Variants in ACSM2B observed in about 807,000 individuals in gnomAD.
ACSM2B encodes the protein acyl-CoA synthetase medium chain family member 2B.
In ACSM2B, 58 loss-of-function variants were observed where a neutral mutation model predicts 78.6. The observed-to-expected ratio is 0.74, with a 90% CI of 0.60 to 0.92. The LOEUF (loss-of-function observed/expected upper bound fraction) is 0.92. Among genes scored for constraint, ACSM2B ranks in the 40% least tolerant of loss-of-function variants. The pLI is 0.00. For missense variants in ACSM2B, 688 were observed against 711.2 expected (o/e 0.97, Z 0.37); for synonymous variants, 257 against 256.8 (o/e 1.00, Z -0.01).
rs1375075965 is a variant in ACSM2B at position 20,564,415 on chromosome 16, T to C, written c.177+254A>G. 2.6e-5 allele frequency among the ~76,000 whole-genome samples: 4 copies of C among 152,130 alleles called. No individual in the cohort carries two copies. In the South Asian group the frequency reaches 6.2e-4, roughly 24 times the overall value. On this transcript the variant is annotated intron_variant, in intron 2 of 13. Transcript: ENST00000329697. ...CACAACAGAGCATGTGCAGTCTACA[T>C]ACAGTGTAAACAAACTGTGTGTTGG...
chr16:20,570,534 C>T (rs547472197), intron 1 of ACSM2B, among the ~76,000 whole-genome samples: 2 of 151,750 alleles, frequency 1.3e-5, no homozygotes, highest in South Asian at 4.2e-4. Flanking sequence ...TTTTTTGTTA[C>T]ATCCTTTTCT....
At position 20,543,689 on chromosome 16, in the gene ACSM2B, C is replaced by T. The variant is rs145203507; in HGVS notation, c.1282-427G>A. ...TTCTAGAGACATTAGCCAGGAAGCC[C>T]CCTGGGACCCTGGCTAATGTGCATA... On this transcript the variant is annotated intron_variant, in intron 10 of 13. Coordinates refer to ENST00000329697, the MANE Select transcript of ACSM2B (RefSeq NM_001105069.2). 8.8e-3 allele frequency among the ~76,000 whole-genome samples: 1,338 copies of T among 152,182 alleles called. 20 individuals carry two copies. The highest frequency in any genetic ancestry group is 0.031 in the African/African-American group (1,296 of 41,514).
chr16:20,564,351 C>G (rs1198309500), intron 2 of ACSM2B, among the ~76,000 whole-genome samples: 1 of 151,730 alleles, frequency 6.6e-6, no homozygotes, highest in South Asian at 2.1e-4. Flanking sequence ...GCCTCTTCTA[C>G]GACCCCAGAC....
intron 1 of ACSM2B, 69 bp from the exon 2 acceptor site, chr16:20,564,922 T>C (rs2015777921): frequency 1.3e-6 from 2 of 1,520,924 alleles, no homozygotes; most frequent in African/African-American, 1.4e-5. Context: ...ATCAGCGGCT[T>C]CAGGAGATTC....
At chr16:20,547,019 T>C in intron 8 of ACSM2B, 1 of 762,362 alleles carries the variant, frequency 1.3e-6, no homozygotes, top group Non-Finnish European at 1.7e-6. Context: ...AACCCTGAAA[T>C]GAACCTTCCC....
At chr16:20,552,737 A>G (rs776105657) in intron 5 of ACSM2B, among the ~76,000 whole-genome samples, 1 of 152,210 alleles carries the variant, frequency 6.6e-6, no homozygotes, top group Non-Finnish European at 1.5e-5. Context: ...AATTGCCCAT[A>G]AAGCTGATGG....
chr16:20,544,622 T>C (rs1596706995), intron 10 of ACSM2B: 4 of 985,334 alleles, frequency 4.1e-6, no homozygotes, highest in Non-Finnish European at 4.8e-6. Context: ...TTTCTAATGG[T>C]TGTGAGCTTG....
At position 20,543,019 on chromosome 16, in the gene ACSM2B, G is replaced by A. The variant is rs374380377; in HGVS notation, c.1410-6C>T. ...CCGAGGGTCCAATCCGGTACCTGCA[G>A]AAGAACCTGTCCTTCAGAGAACACT... On this transcript the variant is annotated splice_polypyrimidine_tract_variant and splice_region_variant and intron_variant, in intron 11 of 13. Coordinates refer to ENST00000329697, the MANE Select transcript of ACSM2B (RefSeq NM_001105069.2). 5.6e-6 allele frequency: 9 copies of A among 1,613,480 alleles called. No individual in the cohort carries two copies. Among genetic ancestry groups the A allele is most frequent in the Non-Finnish European group, 7.6e-6 (9 of 1,179,878 alleles).
intron 1 of ACSM2B, among the ~76,000 whole-genome samples, chr16:20,568,941 T>A (rs2016013441): frequency 6.6e-6 from 1 of 151,928 alleles, no homozygotes; most frequent in Non-Finnish European, 1.5e-5. Flanking sequence ...TTGTTTGAGT[T>A]CCTTCTAGAT....
At chr16:20,557,568 G>A (rs1392643477) in intron 3 of ACSM2B, among the ~76,000 whole-genome samples, 1 of 152,128 alleles carries the variant, frequency 6.6e-6, no homozygotes, top group Non-Finnish European at 1.5e-5. Flanking sequence ...CCAAACAGAG[G>A]ATGATCATGT....
In ACSM2B at chr16:20,559,546, T is replaced by A; in HGVS notation, c.178-99A>T. The A allele has an allele frequency of 2.6e-5, 37 of 1,450,924 alleles. 1 individual carries two copies. Among genetic ancestry groups the A allele is most frequent in the Non-Finnish European group, 3.3e-5 (36 of 1,087,010 alleles). 89.9% of individuals were successfully genotyped at this position (1,450,924 alleles called of 1,614,324 possible). A position where few individuals can be genotyped will look rare whatever the true frequency, so the allele number is the denominator to read the frequency against. ...ATTGCCAAGCTGGTGCTTAGTAAGG[T>A]TTTTTATCTCAGCACCTCCATACAA... is the stretch of plus-strand genomic sequence containing the variant. On this transcript the variant is annotated intron_variant, in intron 2 of 13. Transcript: ENST00000329697.
intron 1 of ACSM2B, among the ~76,000 whole-genome samples, chr16:20,570,321 T>C (rs2016058291): frequency 1.3e-5 from 2 of 151,996 alleles, no homozygotes; most frequent in Admixed American, 1.3e-4. Context: ...GAGATAATAA[T>C]GTGATTTTTG....
At chr16:20,560,371 C>G (rs1470900906) in intron 2 of ACSM2B, among the ~76,000 whole-genome samples, 1 of 151,868 alleles carries the variant, frequency 6.6e-6, no homozygotes, top group East Asian at 1.9e-4. Context: ...TTAGCACCAT[C>G]CCCTTGGTGA....
In ACSM2B at chr16:20,537,121, C is replaced by A; in HGVS notation, c.*137G>T. On this transcript the variant is annotated 3_prime_UTR_variant, in exon 14 of 14. Transcript: ENST00000329697. ...ATATCTAACATAGTAATGTTTTGTG[C>A]TAATAACCAGGGCAAGACAAAACTT... 1 of 1,033,248 alleles carries A rather than the reference C, an allele frequency of 9.7e-7. No homozygotes were observed. Among genetic ancestry groups the A allele is most frequent in the Non-Finnish European group, 1.5e-6 (1 of 689,358 alleles). The allele number at this position is 1,033,248 out of a possible 1,614,324, so 64.0% of individuals were successfully genotyped here.
chr16:20,563,821 C>G (rs562240620), intron 2 of ACSM2B, among the ~76,000 whole-genome samples: 2 of 152,094 alleles, frequency 1.3e-5, no homozygotes, highest in Non-Finnish European at 2.9e-5. Flanking sequence ...TAGCTCCACC[C>G]CTTCCCCTAC....
At chr16:20,547,492 T>C (rs1158560649) in intron 8 of ACSM2B, 1 of 975,302 alleles carries the variant, frequency 1.0e-6, no homozygotes, top group African/African-American at 1.8e-5. Flanking sequence ...GAAGAAGAGT[T>C]GGGGAAAAGT....
intron 1 of ACSM2B, among the ~76,000 whole-genome samples, chr16:20,566,718 G>GTATATACTATATATAC (rs1567218517): frequency 4.0e-4 from 2 of 5,014 alleles, no homozygotes; most frequent in African/African-American, 7.3e-4. Flanking sequence ...AGTATATATA[G>GTATATACTATATATAC]TATATACTAT....
At chr16:20,542,861 C>T (rs2015034505) in intron 12 of ACSM2B, 53 bp downstream of exon 12, 16 of 1,607,206 alleles carry the variant, frequency 1.0e-5, no homozygotes, top group Middle Eastern at 1.7e-4. Context: ...CATCATACTA[C>T]ACTGCCCTTG....
At chr16:20,566,456 T>C (rs898236948) in intron 1 of ACSM2B, among the ~76,000 whole-genome samples, 1 of 125,608 alleles carries the variant, frequency 8.0e-6, no homozygotes, top group African/African-American at 3.0e-5. Flanking sequence ...ACATATTATA[T>C]AATATATAAT....
Sources: allele counts gnomAD v4.1 joint callset (sites outside exome capture counted in the v4.1 genomes callset), GRCh38; gene constraint gnomAD v4.1.1; transcripts MANE v1.5; gene names NCBI Gene and HGNC (gene_info 2026-07-23, HGNC 2026-07-21).